The following ADAM29 variants were observed in gnomAD, a reference collection of about 807,000 sequenced individuals.
ADAM29 encodes the protein ADAM metallopeptidase domain 29.
For missense variants in ADAM29, 969 were observed against 1,001.8 expected, an observed-to-expected ratio of 0.97 and a Z score of 0.44; for synonymous variants, 367 against 342.3, an observed-to-expected ratio of 1.07 and a Z score of -0.80.
intron 3 of ADAM29, among the ~76,000 whole-genome samples, chr4:174,935,066 G>A (rs929078104): frequency 7.9e-5 from 12 of 152,032 alleles, no homozygotes; most frequent in Non-Finnish European, 1.3e-4. Flanking sequence ...ATATATTATA[G>A]GCATCAAAGC....
At chr4:174,949,309 A>C (rs1258241900) in intron 4 of ADAM29, among the ~76,000 whole-genome samples, 1 of 152,176 alleles carries the variant, frequency 6.6e-6, no homozygotes, top group African/African-American at 2.4e-5. Context: ...AGGGATGAGC[A>C]TCACTGGCCA....
intron 4 of ADAM29, among the ~76,000 whole-genome samples, chr4:174,955,746 A>G (rs1404792411): frequency 1.3e-5 from 2 of 152,078 alleles, no homozygotes; most frequent in Non-Finnish European, 2.9e-5. Context: ...TGCAAAAGCT[A>G]AAGGTTAAAC....
At chr4:174,962,437 G>A (rs1179624479) in intron 4 of ADAM29, among the ~76,000 whole-genome samples, 13 of 151,628 alleles carry the variant, frequency 8.6e-5, no homozygotes, top group East Asian at 1.9e-4. Flanking sequence ...GCGTGAACCC[G>A]GGAAGCAGAG....
intron 4 of ADAM29, among the ~76,000 whole-genome samples, chr4:174,962,909 A>G (rs1177744490): frequency 6.6e-6 from 1 of 152,240 alleles, no homozygotes; most frequent in Admixed American, 6.5e-5. Context: ...ATAAAATAAC[A>G]TGAAAAATTA....
rs928713896 is a variant in ADAM29 at position 174,963,817 on chromosome 4, G to A, written c.-180-11529G>A. Reference sequence around the variant, plus strand: ...CCTGCCTCAGCCTTCGAGTAGCTGGGATTACAGGTGCCCACCACTGTGCCC... The same window carrying A: ...CCTGCCTCAGCCTTCGAGTAGCTGGAATTACAGGTGCCCACCACTGTGCCC... On this transcript the variant is annotated intron_variant, in intron 4 of 4. Coordinates refer to ENST00000359240, the MANE Select transcript of ADAM29 (RefSeq NM_014269.4). 3.9e-5 allele frequency among the ~76,000 whole-genome samples: 6 copies of A among 152,074 alleles called. No individual in the cohort carries two copies. In the East Asian group the frequency reaches 9.7e-4, roughly 25 times the overall value.
chr4:174,933,040 G>A (rs1462096527), intron 3 of ADAM29, among the ~76,000 whole-genome samples: 6 of 152,096 alleles, frequency 3.9e-5, no homozygotes, highest in African/African-American at 1.4e-4. Flanking sequence ...CTGGCAGAGA[G>A]TGGAAGTTAA....
intron 4 of ADAM29, among the ~76,000 whole-genome samples, chr4:174,972,654 C>T (rs1054720337): frequency 6.6e-5 from 10 of 152,110 alleles, no homozygotes; most frequent in African/African-American, 2.2e-4. Flanking sequence ...TTGCTCTGTG[C>T]TGAGCAGGAG....
At chr4:174,931,796 AC>A (rs1743894084) in intron 3 of ADAM29, among the ~76,000 whole-genome samples, 1 of 145,438 alleles carries the variant, frequency 6.9e-6, no homozygotes, top group African/African-American at 2.5e-5. Flanking sequence ...CATAATTTAT[AC>A]CCAGTCTCTC....
intron 4 of ADAM29, among the ~76,000 whole-genome samples, chr4:174,943,797 C>G (rs952848625): frequency 1.6e-5 from 2 of 125,012 alleles, no homozygotes; most frequent in African/African-American, 3.2e-5. Flanking sequence ...GTAGCATGAG[C>G]CTTACCACAA....
At chr4:174,962,978 T>G (rs1339187660) in intron 4 of ADAM29, among the ~76,000 whole-genome samples, 1 of 152,112 alleles carries the variant, frequency 6.6e-6, no homozygotes, top group Non-Finnish European at 1.5e-5. Flanking sequence ...ACTGAAAAAC[T>G]TTAGCATCTC....
chr4:174,934,514 A>G (rs893004428), intron 3 of ADAM29, among the ~76,000 whole-genome samples: 1 of 152,048 alleles, frequency 6.6e-6, no homozygotes, highest in Non-Finnish European at 1.5e-5. Context: ...TTCTAGTGTC[A>G]ATTGCAATCA....
intron 4 of ADAM29, among the ~76,000 whole-genome samples, chr4:174,970,270 TAA>T (rs1289636662): frequency 2.0e-5 from 3 of 152,118 alleles, no homozygotes; most frequent in Admixed American, 2.0e-4. Context: ...TAAAGTGAAT[TAA>T]GGTTGCAGAT....
intron 3 of ADAM29, among the ~76,000 whole-genome samples, chr4:174,935,989 C>T (rs368099967): frequency 6.6e-6 from 1 of 151,954 alleles, no homozygotes; most frequent in African/African-American, 2.4e-5. Context: ...ATTTACTGTC[C>T]AATCTGGATA....
At chr4:174,950,534 T>C (rs1192694678) in intron 4 of ADAM29, among the ~76,000 whole-genome samples, 1 of 152,220 alleles carries the variant, frequency 6.6e-6, no homozygotes, top group Non-Finnish European at 1.5e-5. Context: ...TAACTATTGC[T>C]ATATGTAACT....
At chr4:174,954,074 C>T (rs1391146105) in intron 4 of ADAM29, among the ~76,000 whole-genome samples, 1 of 152,112 alleles carries the variant, frequency 6.6e-6, no homozygotes, top group East Asian at 1.9e-4. Flanking sequence ...TATAACTTTC[C>T]CTCATTTTCA....
Position 174,975,373 on chromosome 4 carries a change from C to A in ADAM29, c.-153C>A, listed in dbSNP as rs1471508961. Reference sequence around the variant, plus strand: ...CTGCAGCTCTGATGGTTCAACTCTGCCAAAAGATGGATCTTTAATGATTAG... The same window carrying A: ...CTGCAGCTCTGATGGTTCAACTCTGACAAAAGATGGATCTTTAATGATTAG... On this transcript the variant is annotated 5_prime_UTR_variant, in exon 5 of 5. It introduces an in-frame stop codon into an upstream open reading frame of the 5' UTR. Coordinates refer to ENST00000359240, the MANE Select transcript of ADAM29 (RefSeq NM_014269.4). 8 of 584,094 alleles carry A rather than the reference C, an allele frequency of 1.4e-5. No homozygotes were observed. Among genetic ancestry groups the A allele is most frequent in the Non-Finnish European group, 2.1e-5 (8 of 377,624 alleles). 36.2% of individuals were successfully genotyped at this position (584,094 alleles called of 1,614,324 possible).
intron 4 of ADAM29, among the ~76,000 whole-genome samples, chr4:174,974,281 T>C (rs949150008): frequency 3.3e-5 from 5 of 152,230 alleles, no homozygotes; most frequent in African/African-American, 1.2e-4. Flanking sequence ...GCTATTATTG[T>C]TATTATTTTT....
At chr4:174,974,767 G>C (rs139847231) in intron 4 of ADAM29, among the ~76,000 whole-genome samples, 4 of 152,166 alleles carry the variant, frequency 2.6e-5, no homozygotes, top group Admixed American at 1.3e-4. Flanking sequence ...GGATCTTCCT[G>C]CTGACAAGGC....
rs70947473 is a variant in ADAM29, at chr4:174,923,560, T to TATATATATATATATATATAG, written c.-451+2769_-451+2770insTATATATATATATATATAGA. Among the ~76,000 whole-genome samples, 11 of 115,918 alleles carry TATATATATATATATATATAG rather than the reference T, an allele frequency of 9.5e-5. 1 individual carries two copies. Among genetic ancestry groups the TATATATATATATATATATAG allele is most frequent in the Non-Finnish European group, 1.5e-4 (9 of 59,282 alleles). 76.0% of individuals were successfully genotyped at this position (115,918 alleles called of 152,430 possible). On this transcript the variant is annotated intron_variant, in intron 2 of 4. Transcript: ENST00000359240. ...ATATATATATATATATATATATATA[T>TATATATATATATATATATAG]ACACACACACATATATATCTTTAAA...
Sources: allele counts gnomAD v4.1 joint callset (sites outside exome capture counted in the v4.1 genomes callset), GRCh38; gene constraint gnomAD v4.1.1; transcripts MANE v1.5; gene names NCBI Gene and HGNC (gene_info 2026-07-23, HGNC 2026-07-21).